Variants in FARS2 observed in about 807,000 individuals in gnomAD.
The protein encoded by FARS2 is phenylalanine--tRNA ligase, mitochondrial.
FARS2 carries 40 observed loss-of-function variants against 46.4 expected under a neutral mutation model. The observed-to-expected ratio is 0.86, with a 90% CI of 0.67 to 1.12. The LOEUF (loss-of-function observed/expected upper bound fraction) is 1.12. Among genes scored for constraint, FARS2 ranks in the 50% most tolerant of loss-of-function variants. The pLI is 0.00. For synonymous variants in FARS2, 234 were observed against 214.9 expected, an observed-to-expected ratio of 1.09 and a Z score of -0.78; for missense variants, 513 against 567.9, an observed-to-expected ratio of 0.90 and a Z score of 0.98.
chr6:5,572,860 G>A (rs1417082680), intron 5 of FARS2, among the ~76,000 whole-genome samples: 1 of 152,012 alleles, frequency 6.6e-6, no homozygotes, highest in African/African-American at 2.4e-5. Flanking sequence ...AATAACCAAT[G>A]GACTGGTTCC....
chr6:5,683,013 C>T (rs989317846), intron 6 of FARS2, among the ~76,000 whole-genome samples: 8 of 152,128 alleles, frequency 5.3e-5, no homozygotes, highest in African/African-American at 1.7e-4. Context: ...TGGGAAGAAA[C>T]GTGTTCAGAG....
intron 1 of FARS2, among the ~76,000 whole-genome samples, chr6:5,312,010 C>G (rs971158975): frequency 9.9e-5 from 15 of 152,166 alleles, no homozygotes; most frequent in African/African-American, 3.6e-4. Context: ...TTATGTAATA[C>G]AAACATTCAT....
At chr6:5,692,868 A>C (rs1213946956) in intron 6 of FARS2, among the ~76,000 whole-genome samples, 3 of 152,216 alleles carry the variant, frequency 2.0e-5, no homozygotes, top group African/African-American at 7.2e-5. Flanking sequence ...GCTGTCACCA[A>C]GCCCACCAAG....
intron 1 of FARS2, among the ~76,000 whole-genome samples, chr6:5,351,395 A>C (rs942668526): frequency 2.6e-5 from 4 of 152,242 alleles, no homozygotes; most frequent in African/African-American, 9.6e-5. Context: ...GCAGGAACAT[A>C]TCTTTTCACA....
intron 6 of FARS2, among the ~76,000 whole-genome samples, chr6:5,636,027 G>A (rs191411441): frequency 1.2e-4 from 18 of 152,020 alleles, no homozygotes; most frequent in South Asian, 8.3e-4. Flanking sequence ...GAATAGCACC[G>A]CTATACTCAT....
At chr6:5,453,546 A>G (rs944506498) in intron 4 of FARS2, among the ~76,000 whole-genome samples, 1 of 152,232 alleles carries the variant, frequency 6.6e-6, no homozygotes, top group African/African-American at 2.4e-5. Flanking sequence ...GCTTTCTGAC[A>G]TTCCTTAGTC....
At chr6:5,558,382 A>T (rs985110488) in intron 5 of FARS2, among the ~76,000 whole-genome samples, 2 of 152,132 alleles carry the variant, frequency 1.3e-5, no homozygotes, top group Non-Finnish European at 2.9e-5. Flanking sequence ...GGCATTTTCT[A>T]TGTGTAATCT....
intron 4 of FARS2, among the ~76,000 whole-genome samples, chr6:5,498,376 A>C (rs1318160782): frequency 1.3e-5 from 2 of 152,188 alleles, no homozygotes; most frequent in Non-Finnish European, 2.9e-5. Context: ...CAAGAGCATC[A>C]GCGGGGAAAG....
At chr6:5,268,712 T>C (rs1019839216) in intron 1 of FARS2, among the ~76,000 whole-genome samples, 9 of 152,208 alleles carry the variant, frequency 5.9e-5, no homozygotes, top group African/African-American at 1.9e-4. Flanking sequence ...ATATGAACTT[T>C]AAAGTAGTTT....
chr6:5,260,268 T>C (rs1764951956), upstream of FARS2, among the ~76,000 whole-genome samples: 1 of 152,220 alleles, frequency 6.6e-6, no homozygotes, highest in South Asian at 2.1e-4. Context: ...TCTCAACTCT[T>C]CCAGTGCTCA....
At chr6:5,708,022 A>AAGC (rs1462802841) in intron 6 of FARS2, among the ~76,000 whole-genome samples, 2 of 152,182 alleles carry the variant, frequency 1.3e-5, no homozygotes, top group East Asian at 3.9e-4. Flanking sequence ...CTTGGAGAAT[A>AAGC]AGCAAGAATT....
intron 6 of FARS2, among the ~76,000 whole-genome samples, chr6:5,652,552 C>G (rs572084998): frequency 3.8e-4 from 58 of 152,380 alleles, no homozygotes; most frequent in Middle Eastern, 3.4e-3. Flanking sequence ...CCCAGTGCGG[C>G]GCAGCCGCTG....
rs146659711 is a variant in FARS2 at position 5,730,896 on chromosome 6, A to G, written c.1218-40395A>G. Among the ~76,000 whole-genome samples the G allele has an allele frequency of 3.7e-3, 560 of 152,276 alleles. 7 individuals carry two copies. Among genetic ancestry groups the G allele is most frequent in the African/African-American group, 0.013 (530 of 41,550 alleles). ...TTCAGCCCTAGATGGTCTTTTAGAG[A>G]TGAGGCAACTGGAACACAGCAAGGT... On this transcript the variant is annotated intron_variant, in intron 6 of 6. Transcript: ENST00000274680.
At chr6:5,427,496 T>C (rs1762917327) in intron 3 of FARS2, among the ~76,000 whole-genome samples, 1 of 152,122 alleles carries the variant, frequency 6.6e-6, no homozygotes, top group Admixed American at 6.5e-5. Context: ...CTTTGTGGGG[T>C]CATGTAGATT....
At chr6:5,561,229 AAC>A (rs1659620756) in intron 5 of FARS2, among the ~76,000 whole-genome samples, 1 of 152,214 alleles carries the variant, frequency 6.6e-6, no homozygotes, top group Non-Finnish European at 1.5e-5. Context: ...TAAATTAGTC[AAC>A]AGTTAAGCAT....
intron 6 of FARS2, among the ~76,000 whole-genome samples, chr6:5,633,249 C>G (rs1246366769): frequency 6.8e-6 from 1 of 147,054 alleles, no homozygotes; most frequent in Non-Finnish European, 1.5e-5. Flanking sequence ...CAGGTACATG[C>G]CACCATCCCT....
chr6:5,559,402 T>G (rs912665502), intron 5 of FARS2, among the ~76,000 whole-genome samples: 4 of 152,016 alleles, frequency 2.6e-5, no homozygotes, highest in African/African-American at 9.7e-5. Flanking sequence ...AGACCCTATC[T>G]CAAAGCAAAC....
intron 1 of FARS2, among the ~76,000 whole-genome samples, chr6:5,337,671 T>A (rs890510224): frequency 8.5e-5 from 13 of 152,210 alleles, no homozygotes; most frequent in African/African-American, 2.9e-4. Flanking sequence ...TTTTATTTGT[T>A]CTAATAGTTC....
At chr6:5,581,818 T>C (rs1416420615) in intron 5 of FARS2, among the ~76,000 whole-genome samples, 1 of 152,178 alleles carries the variant, frequency 6.6e-6, no homozygotes, top group Non-Finnish European at 1.5e-5. Flanking sequence ...CTGATGCGCT[T>C]TTCTAAATGG....
Sources: allele counts gnomAD v4.1 joint callset (sites outside exome capture counted in the v4.1 genomes callset), GRCh38; gene constraint gnomAD v4.1.1; transcripts MANE v1.5; gene names NCBI Gene and HGNC (gene_info 2026-07-23, HGNC 2026-07-21).